SLC2A7: variants seen among roughly 807,000 people sequenced by gnomAD.
The protein encoded by SLC2A7 is solute carrier family 2 member 7, also known as solute carrier family 2, facilitated glucose transporter member 7.
Under a neutral mutation model 50.5 loss-of-function variants are expected in SLC2A7, and 50 were observed. That is an observed-to-expected ratio of 0.99 (90% CI 0.79 to 1.25). The LOEUF (loss-of-function observed/expected upper bound fraction) is 1.25, where lower values mean the gene tolerates loss of function less well. Among genes scored for constraint, SLC2A7 ranks in the 50% most tolerant of loss-of-function variants. The probability of loss-of-function intolerance (pLI) is 0.00; values close to 1 mark genes in which losing one functional copy is unlikely to be tolerated. For missense variants in SLC2A7, 683 were observed against 679.1 expected (o/e 1.01, Z -0.06); for synonymous variants, 308 against 300.4 (o/e 1.03, Z -0.26).
intron 2 of SLC2A7, among the ~76,000 whole-genome samples, chr1:9,024,373 CACAA>C (rs1640963184): frequency 6.6e-6 from 1 of 152,002 alleles, no homozygotes; most frequent in Non-Finnish European, 1.5e-5. Context: ...ATACGTAATA[CACAA>C]ACAAATGTAA....
chr1:9,019,056 C>G (rs1047808956), intron 4 of SLC2A7, among the ~76,000 whole-genome samples, 153 bp downstream of exon 4: 9 of 152,164 alleles, frequency 5.9e-5, no homozygotes, highest in African/African-American at 2.2e-4. Context: ...GAAAAACAAG[C>G]ATGAGGCTTG....
intron 8 of SLC2A7, among the ~76,000 whole-genome samples, chr1:9,012,382 A>G (rs1167791790): frequency 6.6e-6 from 1 of 152,212 alleles, no homozygotes; most frequent in Non-Finnish European, 1.5e-5. Flanking sequence ...CTCTGAGGAT[A>G]AAGGATGGAT....
At position 9,008,175 on chromosome 1, in the gene SLC2A7, C is replaced by A. The variant is rs191466002; in HGVS notation, c.1117-790G>T. Among the ~76,000 whole-genome samples, 21 of 152,196 alleles carry A rather than the reference C, an allele frequency of 1.4e-4. No homozygotes were observed. The East Asian group carries it at 2.7e-3, about 20-fold the overall frequency. On this transcript the variant is annotated intron_variant, in intron 9 of 11. Coordinates refer to ENST00000400906, the MANE Select transcript of SLC2A7 (RefSeq NM_207420.3). This position sits in a 1 kb window ranked among gnomAD's most constrained non-coding sequence, Gnocchi z 5.9. ...GGACTTCAGCCAAACTAACCGGGTG[C>A]CCCCAGATGAACTTCCCAGGGAACC...
At chr1:9,018,502 G>A (rs780832061) in intron 4 of SLC2A7, 127 bp from the exon 5 acceptor site, 124 of 1,319,584 alleles carry the variant, frequency 9.4e-5, no homozygotes, top group Middle Eastern at 1.9e-4. Context: ...GATGGAGCTC[G>A]GCCAACCTCG....
chr1:9,020,518 G>C (rs1312627732), intron 3 of SLC2A7, among the ~76,000 whole-genome samples: 1 of 151,426 alleles, frequency 6.6e-6, no homozygotes, highest in Non-Finnish European at 1.5e-5. Flanking sequence ...TGTGCTCTAG[G>C]TCCCCTGCCA....
chr1:9,016,962 C>T (rs1397535079), intron 5 of SLC2A7, among the ~76,000 whole-genome samples: 2 of 152,088 alleles, frequency 1.3e-5, no homozygotes, highest in Admixed American at 6.6e-5. Context: ...AGTCCCACTC[C>T]CCCCGAGGCT....
At chr1:9,017,259 G>A (rs1640843674) in intron 5 of SLC2A7, among the ~76,000 whole-genome samples, 1 of 152,212 alleles carries the variant, frequency 6.6e-6, no homozygotes, top group South Asian at 2.1e-4. Context: ...AGCGGAAGTT[G>A]CAGTGAGCTG....
chr1:8,999,023 C>G (rs1328239535), downstream of SLC2A7, among the ~76,000 whole-genome samples: 1 of 152,072 alleles, frequency 6.6e-6, no homozygotes, highest in Non-Finnish European at 1.5e-5. Flanking sequence ...GTATTATGTC[C>G]TCTTTAAATG....
Position 9,010,206 on chromosome 1 carries a change from C to T in SLC2A7, c.1053G>A (p.Leu351=), listed in dbSNP as rs569729953. ...LVERLGRRHL[L]LAGYGICGSA... ...AGCCGCAGATGCCGTAGCCGGCCAG[C>T]AGGAGGTGCCGCCGTCCCAGCCGCT... Residue 351 remains leucine (L), a synonymous_variant, in exon 9 of 12, where the codon CTG becomes CTA. Transcript: ENST00000400906. The T allele has an allele frequency of 3.9e-6, 6 of 1,551,502 alleles. No individual in the cohort carries two copies. Among genetic ancestry groups the T allele is most frequent in the African/African-American group, 2.7e-5 (2 of 73,162 alleles).
the SLC2A7 span, among the ~76,000 whole-genome samples, chr1:8,994,524 C>CA: frequency 6.6e-6 from 1 of 151,982 alleles, no homozygotes; most frequent in East Asian, 1.9e-4. Flanking sequence ...GAATGAAACC[C>CA]GATAAACAAG....
chr1:8,997,291 G>A, the SLC2A7 span, among the ~76,000 whole-genome samples: 2 of 151,992 alleles, frequency 1.3e-5, no homozygotes, highest in South Asian at 2.1e-4. Flanking sequence ...GGATAACAGA[G>A]CGAGACCCTG....
At chr1:8,995,247 G>A in the SLC2A7 span, among the ~76,000 whole-genome samples, 1 of 151,568 alleles carries the variant, frequency 6.6e-6, no homozygotes, top group Non-Finnish European at 1.5e-5. Flanking sequence ...AGGAGATCGA[G>A]ATCATCCTGG....
chr1:9,009,639 G>C (rs1176620646), intron 9 of SLC2A7, among the ~76,000 whole-genome samples: 1 of 152,080 alleles, frequency 6.6e-6, no homozygotes, highest in Non-Finnish European at 1.5e-5. Context: ...TGTATTTTTT[G>C]TAGAGATGGG....
Position 9,014,703 on chromosome 1 carries a change from T to C in SLC2A7, c.881A>G (p.Gln294Arg). The part of the protein sequence containing the change: ...LLSIIVLMAG[Q>R]QLSGINAINY... ...TACCGCATTGATGCCCGACAGCTGCTGGCCGGCCATGAGCACGATGATGGA... is the reference window on the plus strand; with the variant it reads ...TACCGCATTGATGCCCGACAGCTGCCGGCCGGCCATGAGCACGATGATGGA... The change falls in exon 7 of 12, where the codon CAG becomes CGG. Residue 294 changes from glutamine to arginine, a missense_variant. By Grantham distance (43) the Gln-to-Arg change is conservative. Coordinates refer to ENST00000400906, the MANE Select transcript of SLC2A7 (RefSeq NM_207420.3). The C allele has an allele frequency of 6.4e-7, 1 of 1,560,958 alleles. No individual in the cohort carries two copies. The highest frequency in any genetic ancestry group is 8.7e-7 in the Non-Finnish European group (1 of 1,152,376).
chr1:9,009,452 A>AGTTTT (rs745912958), intron 9 of SLC2A7, among the ~76,000 whole-genome samples: 91 of 152,046 alleles, frequency 6.0e-4, no homozygotes, highest in East Asian at 4.6e-3. Context: ...AATGATTCGT[A>AGTTTT]GTTTTGTTTT....
intron 7 of SLC2A7, among the ~76,000 whole-genome samples, chr1:9,014,459 C>T (rs1350734564): frequency 2.6e-5 from 4 of 152,114 alleles, no homozygotes; most frequent in Non-Finnish European, 5.9e-5. Context: ...AGGAGGCATT[C>T]CTTCTGGGGA....
intron 10 of SLC2A7, among the ~76,000 whole-genome samples, chr1:9,006,112 G>T (rs17392216): frequency 0.21 from 32,513 of 152,164 alleles, 4,190 homozygotes; most frequent in Non-Finnish European, 0.29. Flanking sequence ...AAGCACCATG[G>T]CTTGCTCCAG....
chr1:9,006,372 C>T (rs982858473), intron 10 of SLC2A7, among the ~76,000 whole-genome samples: 9 of 152,130 alleles, frequency 5.9e-5, no homozygotes, highest in Non-Finnish European at 1.2e-4. Flanking sequence ...CTCAGCCTCC[C>T]GAGTAGCTGG....
At chr1:9,001,110 A>T (rs1640567152), downstream of SLC2A7, among the ~76,000 whole-genome samples, 1 of 152,188 alleles carries the variant, frequency 6.6e-6, no homozygotes, top group Non-Finnish European at 1.5e-5. Context: ...AGTGACAAGC[A>T]TGCCAATGGA....
Sources: allele counts gnomAD v4.1 joint callset (sites outside exome capture counted in the v4.1 genomes callset), GRCh38; gene constraint gnomAD v4.1.1; non-coding constraint Gnocchi (gnomAD v3.1); transcripts MANE v1.5; gene names NCBI Gene and HGNC (gene_info 2026-07-23, HGNC 2026-07-21).